PCBP3: variants seen among roughly 807,000 people sequenced by gnomAD.
The protein encoded by PCBP3 is poly(rC) binding protein 3, also known as poly(rC)-binding protein 3.
In PCBP3, 25 loss-of-function variants were observed where a neutral mutation model predicts 52.7. That is an observed-to-expected ratio of 0.47 (90% CI 0.35 to 0.66). The LOEUF (loss-of-function observed/expected upper bound fraction) is 0.66. Ranked by LOEUF, PCBP3 falls within the 30% of genes least tolerant of loss-of-function variation. The pLI, the probability that PCBP3 is intolerant of heterozygous loss-of-function variation, is 0.01. For synonymous variants in PCBP3, 162 were observed against 183.0 expected, an observed-to-expected ratio of 0.89 and a Z score of 0.93; for missense variants, 391 against 490.3, an observed-to-expected ratio of 0.80 and a Z score of 1.91.
intron 5 of PCBP3, among the ~76,000 whole-genome samples, chr21:45,866,635 G>C (rs1020103403): frequency 6.6e-6 from 1 of 152,146 alleles, no homozygotes; most frequent in East Asian, 1.9e-4. Context: ...CCTGGGGAGG[G>C]GTCTGGTGGG....
intron 4 of PCBP3, among the ~76,000 whole-genome samples, chr21:45,841,071 A>T (rs2093690108): frequency 6.6e-6 from 1 of 152,214 alleles, no homozygotes; most frequent in Non-Finnish European, 1.5e-5. Context: ...AATAGGCTAT[A>T]CCATCTAGCC....
At chr21:45,709,944 G>A (rs2083717751) in intron 2 of PCBP3, among the ~76,000 whole-genome samples, 1 of 152,078 alleles carries the variant, frequency 6.6e-6, no homozygotes, top group South Asian at 2.1e-4. Context: ...TGCCTCATTT[G>A]GGATCTGCTG....
At chr21:45,700,007 G>A (rs957880325) in intron 2 of PCBP3, among the ~76,000 whole-genome samples, 2 of 152,218 alleles carry the variant, frequency 1.3e-5, no homozygotes, top group South Asian at 4.1e-4. Flanking sequence ...TTCACCATTA[G>A]CTCAAATGTC....
At chr21:45,901,432 G>A (rs558578017) in intron 9 of PCBP3, 25 of 316,202 alleles carry the variant, frequency 7.9e-5, no homozygotes, top group African/African-American at 3.4e-4. Context: ...CCCCTGGGGC[G>A]TGCAGCCTGG....
intron 5 of PCBP3, among the ~76,000 whole-genome samples, chr21:45,876,616 G>T (rs1028177999): frequency 8.5e-5 from 13 of 152,224 alleles, no homozygotes; most frequent in Admixed American, 7.9e-4. Context: ...CCCTGCCCTG[G>T]GTAGCCTCAG....
chr21:45,920,497 T>C (rs1194816810), intron 13 of PCBP3, among the ~76,000 whole-genome samples: 1 of 152,234 alleles, frequency 6.6e-6, no homozygotes, highest in Non-Finnish European at 1.5e-5. Flanking sequence ...CCTCAGTGCA[T>C]GTGGTAATGA....
At chr21:45,707,123 C>G (rs766453438) in intron 2 of PCBP3, among the ~76,000 whole-genome samples, 2 of 152,116 alleles carry the variant, frequency 1.3e-5, no homozygotes, top group Non-Finnish European at 2.9e-5. Context: ...TGGAAATATT[C>G]CCTGATAGAA....
At chr21:45,899,728 C>A in intron 7 of PCBP3, 106 bp downstream of exon 7, 2 of 798,172 alleles carry the variant, frequency 2.5e-6, no homozygotes, top group South Asian at 1.5e-5. Context: ...GCGCCTTTCC[C>A]AGTTGGTGGG....
chr21:45,665,573 T>C (rs947994614), intron 1 of PCBP3, among the ~76,000 whole-genome samples: 2 of 152,104 alleles, frequency 1.3e-5, no homozygotes, highest in African/African-American at 4.8e-5. Context: ...CAGGAAGAAA[T>C]TAGTAGAAAT....
chr21:45,738,294 G>T, intron 3 of PCBP3, among the ~76,000 whole-genome samples: 2 of 140,596 alleles, frequency 1.4e-5, no homozygotes, highest in Non-Finnish European at 1.5e-5. Context: ...TAGCTCTGTC[G>T]CCCAGGCTGG....
At position 45,917,518 on chromosome 21, in the gene PCBP3, A is replaced by C; in HGVS notation, c.676-70A>C. 1 of 1,203,258 alleles carries C rather than the reference A, an allele frequency of 8.3e-7. No homozygotes were observed. Among genetic ancestry groups the C allele is most frequent in the South Asian group, 1.2e-5 (1 of 82,412 alleles). 74.5% of individuals were successfully genotyped at this position (1,203,258 alleles called of 1,614,324 possible). ...TACCGGAGGGTCCTTGTCATGCTGGAGGGTGGCGGCGGGTGCTGAGCCGTG... is the reference window on the plus strand; with the variant it reads ...TACCGGAGGGTCCTTGTCATGCTGGCGGGTGGCGGCGGGTGCTGAGCCGTG... On this transcript the variant is annotated intron_variant, in intron 12 of 17. Coordinates refer to ENST00000681687, the MANE Select transcript of PCBP3 (RefSeq NM_001384156.1). This position sits in a 1 kb window ranked among gnomAD's most constrained non-coding sequence, Gnocchi z 5.3.
intron 4 of PCBP3, among the ~76,000 whole-genome samples, chr21:45,812,874 G>A (rs925648262): frequency 8.5e-5 from 13 of 152,140 alleles, no homozygotes. Context: ...GGCTTCCACT[G>A]TTTTTGATGA....
At chr21:45,720,705 G>A (rs966713372) in intron 2 of PCBP3, among the ~76,000 whole-genome samples, 3 of 152,142 alleles carry the variant, frequency 2.0e-5, no homozygotes. Flanking sequence ...ACTCTTGTAG[G>A]GTTGCAATGG....
chr21:45,941,696 G>A lies in PCBP3; in HGVS notation c.1106G>A (p.Gly369Asp), dbSNP rs767698017. ...ARLTSEVTGM[G>D]TL ...CTGACGTCCGAGGTCACCGGGATGG[G>A]CACGCTGTAATCCTACCCAGCACCC... The change falls in exon 18 of 18, where the codon GGC becomes GAC. Residue 369 changes from glycine (G) to aspartate (D), a missense_variant. By Grantham distance (94) the Gly-to-Asp change is moderately conservative (BLOSUM62 -1). Transcript: ENST00000681687. 14 of 1,605,546 alleles carry A rather than the reference G, an allele frequency of 8.7e-6. No individual in the cohort carries two copies. The African/African-American group carries it at 1.9e-4, about 22-fold the overall frequency.
At chr21:45,844,835 CATATACGTATATAAAGTTATAACTTT>C (rs999249576) in intron 4 of PCBP3, among the ~76,000 whole-genome samples, 4 of 146,494 alleles carry the variant, frequency 2.7e-5, no homozygotes, top group African/African-American at 1.0e-4. Context: ...ATATAAACTT[CATATACGTATATAAAGTTATAACTTT>C]ATATACGTAT....
intron 4 of PCBP3, chr21:45,848,148 T>A (rs1217727119): frequency 6.6e-6 from 1 of 152,188 alleles, no homozygotes; most frequent in Non-Finnish European, 1.5e-5. Flanking sequence ...AAGCAGGGAT[T>A]TATTGAGAAC....
chr21:45,939,242 C>T (rs2077196631), intron 16 of PCBP3, among the ~76,000 whole-genome samples: 1 of 152,218 alleles, frequency 6.6e-6, no homozygotes. Context: ...CCTATGCGTG[C>T]ATGAAGGGAC....
intron 1 of PCBP3, among the ~76,000 whole-genome samples, chr21:45,655,868 T>C (rs2079984880): frequency 1.3e-5 from 2 of 152,168 alleles, no homozygotes; most frequent in South Asian, 4.1e-4. Flanking sequence ...AAGACATTTA[T>C]GCAGCCAACA....
intron 5 of PCBP3, among the ~76,000 whole-genome samples, chr21:45,870,329 T>A (rs1303535871): frequency 4.6e-5 from 7 of 152,254 alleles, no homozygotes; most frequent in Non-Finnish European, 1.0e-4. Flanking sequence ...AGAAATGATT[T>A]GCTAATCTAA....
Sources: allele counts gnomAD v4.1 joint callset (sites outside exome capture counted in the v4.1 genomes callset), GRCh38; gene constraint gnomAD v4.1.1; non-coding constraint Gnocchi (gnomAD v3.1); transcripts MANE v1.5; gene names NCBI Gene and HGNC (gene_info 2026-07-23, HGNC 2026-07-21).